The following HTR2A variants were observed in gnomAD, a reference collection of about 807,000 sequenced individuals.
The protein encoded by HTR2A is 5-HT2 receptor.
HTR2A carries 14 observed loss-of-function variants against 31.0 expected under a neutral mutation model. The observed-to-expected ratio is 0.45, with a 90% CI of 0.30 to 0.71. The LOEUF is 0.71. HTR2A is among the 30% of genes least tolerant of loss of function. The pLI, the probability that HTR2A is intolerant of heterozygous loss-of-function variation, is 0.09. For synonymous variants in HTR2A, 209 were observed against 225.2 expected (o/e 0.93, Z 0.64); for missense variants, 442 against 573.3 (o/e 0.77, Z 2.34).
Position 46,857,040 on chromosome 13 carries a change from G to A in HTR2A, c.614-21401C>T, listed in dbSNP as rs532879504. Among the ~76,000 whole-genome samples the A allele has an allele frequency of 1.2e-4, 18 of 152,196 alleles. No individual in the cohort carries two copies. The South Asian group carries it at 1.2e-3, about 11-fold the overall frequency. On this transcript the variant is annotated intron_variant, in intron 3 of 3. Coordinates refer to ENST00000542664, the MANE Select transcript of HTR2A (RefSeq NM_000621.5). ...TTGCTGGCTGGGCGCGGTGGCTCAC[G>A]ACTGTAATCTCAGCACTTTGGGAGG...
At chr13:46,871,186 C>A (rs1301160247) in intron 3 of HTR2A, among the ~76,000 whole-genome samples, 1 of 152,170 alleles carries the variant, frequency 6.6e-6, no homozygotes, top group Non-Finnish European at 1.5e-5. Context: ...CCCATTATCT[C>A]TTTGACATTG....
At chr13:46,847,159 A>T (rs113919495) in intron 3 of HTR2A, among the ~76,000 whole-genome samples, 5,179 of 152,326 alleles carry the variant, frequency 0.034, 116 homozygotes, top group South Asian at 0.073. Flanking sequence ...GAAATATGGC[A>T]GGCACCCACT....
intron 3 of HTR2A, among the ~76,000 whole-genome samples, chr13:46,868,870 A>C (rs1265849871): frequency 6.6e-6 from 1 of 152,206 alleles, no homozygotes; most frequent in Non-Finnish European, 1.5e-5. Flanking sequence ...ATTCTTATTA[A>C]GAAGTGTTAG....
intron 3 of HTR2A, among the ~76,000 whole-genome samples, chr13:46,870,221 G>T (rs1950854300): frequency 1.3e-5 from 2 of 152,060 alleles, no homozygotes; most frequent in South Asian, 4.1e-4. Flanking sequence ...GAAACTAAAA[G>T]GACAGATATA....
chr13:46,898,059 T>C (rs1466010290), upstream of HTR2A, among the ~76,000 whole-genome samples: 1 of 152,158 alleles, frequency 6.6e-6, no homozygotes, highest in Non-Finnish European at 1.5e-5. Flanking sequence ...GTGCTACCTC[T>C]GTATGCGTGT....
intron 3 of HTR2A, among the ~76,000 whole-genome samples, chr13:46,851,288 A>G (rs991850174): frequency 1.4e-4 from 22 of 152,138 alleles, no homozygotes; most frequent in African/African-American, 5.3e-4. Flanking sequence ...ATAAGAAACA[A>G]AAGTCACAGT....
At chr13:46,861,628 C>G (rs1010125572) in intron 3 of HTR2A, among the ~76,000 whole-genome samples, 13 of 152,178 alleles carry the variant, frequency 8.5e-5, no homozygotes, top group African/African-American at 3.1e-4. Context: ...CAAACACTTC[C>G]GAAGAGGCAA....
intron 3 of HTR2A, among the ~76,000 whole-genome samples, chr13:46,872,686 C>A (rs1593438695): frequency 6.6e-6 from 1 of 152,224 alleles, no homozygotes; most frequent in African/African-American, 2.4e-5. Context: ...TAGTTTAATA[C>A]CTTGCATCTC....
chr13:46,852,413 C>T (rs951182312), intron 3 of HTR2A, among the ~76,000 whole-genome samples: 2 of 152,208 alleles, frequency 1.3e-5, no homozygotes, highest in Non-Finnish European at 2.9e-5. Flanking sequence ...GCTGGGCTGG[C>T]CACGTCTGCT....
At chr13:46,883,493 G>A (rs1950983333) in intron 3 of HTR2A, among the ~76,000 whole-genome samples, 2 of 152,122 alleles carry the variant, frequency 1.3e-5, no homozygotes, top group African/African-American at 2.4e-5. Flanking sequence ...ATTTAAAGTG[G>A]TATCTTTGGT....
rs74082708 is a variant in HTR2A at position 46,838,903 on chromosome 13, A to C, written c.614-3264T>G. Among the ~76,000 whole-genome samples the C allele has an allele frequency of 2.1e-3, 323 of 152,174 alleles. 1 individual carries two copies. The highest frequency in any genetic ancestry group is 7.5e-3 in the African/African-American group (311 of 41,532). The stretch of plus-strand genomic sequence containing the variant: ...GTACATAAGTGGCAATTCTCAATTA[A>C]CCAGAATGTGGGCTTACCTAAAATG... On this transcript the variant is annotated intron_variant, in intron 3 of 3. Coordinates refer to ENST00000542664, the MANE Select transcript of HTR2A (RefSeq NM_000621.5).
intron 3 of HTR2A, among the ~76,000 whole-genome samples, chr13:46,873,465 A>G (rs1004037491): frequency 9.0e-6 from 1 of 111,512 alleles, no homozygotes; most frequent in Non-Finnish European, 2.0e-5. Flanking sequence ...TTATTATTAT[A>G]CTTTAAGTTT....
At chr13:46,859,238 A>G (rs982427743) in intron 3 of HTR2A, among the ~76,000 whole-genome samples, 2 of 152,282 alleles carry the variant, frequency 1.3e-5, no homozygotes, top group African/African-American at 2.4e-5. Flanking sequence ...ATGCTATCAC[A>G]TGGCTGATTC....
At chr13:46,860,183 T>C (rs901069197) in intron 3 of HTR2A, among the ~76,000 whole-genome samples, 1 of 152,150 alleles carries the variant, frequency 6.6e-6, no homozygotes, top group Non-Finnish European at 1.5e-5. Context: ...ACTGTGTGTG[T>C]TGGTTGGTGT....
At chr13:46,880,010 C>CAA (rs5803379) in intron 3 of HTR2A, among the ~76,000 whole-genome samples, 102 of 151,084 alleles carry the variant, frequency 6.8e-4, no homozygotes, top group South Asian at 2.5e-3. Context: ...GTATCAAAAA[C>CAA]AAAAAAAAAT....
At chr13:46,896,604 T>C (rs748808152) in intron 1 of HTR2A, 70 bp downstream of exon 1, 1 of 1,137,516 alleles carries the variant, frequency 8.8e-7, no homozygotes, top group Admixed American at 3.0e-5. Context: ...TGATTACATG[T>C]TGGCCAAGCA....
Position 46,892,605 on chromosome 13 carries a change from G to T in HTR2A, c.413-15C>A, listed in dbSNP as rs1280260433. On this transcript the variant is annotated splice_polypyrimidine_tract_variant and intron_variant, in intron 2 of 3. Coordinates refer to ENST00000542664, the MANE Select transcript of HTR2A (RefSeq NM_000621.5). ...CCACCGGTACCCTATGAGGCAGAAG[G>T]TTGGTGTCAGTGAGCAACCCTGTGC... 8.1e-6 allele frequency: 13 copies of T among 1,612,690 alleles called. No homozygotes were observed. Among genetic ancestry groups the T allele is most frequent in the African/African-American group, 8.0e-5 (6 of 75,020 alleles).
At chr13:46,884,649 G>A (rs1950991987) in intron 3 of HTR2A, among the ~76,000 whole-genome samples, 1 of 152,182 alleles carries the variant, frequency 6.6e-6, no homozygotes, top group Non-Finnish European at 1.5e-5. Flanking sequence ...GGGCAACAGA[G>A]CAAGACTCTG....
intron 3 of HTR2A, among the ~76,000 whole-genome samples, chr13:46,860,163 G>A (rs1010221283): frequency 1.3e-5 from 2 of 152,128 alleles, no homozygotes; most frequent in African/African-American, 4.8e-5. Context: ...CCCTAGTTCT[G>A]GTGCTGAGGA....
Sources: gnomAD v4.1 joint callset for allele counts (sites outside exome capture counted in the v4.1 genomes callset) on GRCh38, gnomAD v4.1.1 for gene constraint, MANE v1.5 for transcripts, NCBI Gene and HGNC (gene_info 2026-07-23, HGNC 2026-07-21) for gene names.